Variants in AMD1 observed in about 807,000 individuals in gnomAD.
AMD1 encodes S-adenosylmethionine decarboxylase proenzyme.
A neutral mutation model predicts 40.2 loss-of-function variants in AMD1; 11 were observed. That is an observed-to-expected ratio of 0.27 (90% CI 0.17 to 0.45). AMD1 has a LOEUF of 0.45. Among genes scored for constraint, AMD1 ranks in the 20% least tolerant of loss-of-function variants. AMD1 has a pLI of 1.00. For synonymous variants in AMD1, 121 were observed against 130.8 expected, an observed-to-expected ratio of 0.93 and a Z score of 0.51; for missense variants, 257 against 410.2, an observed-to-expected ratio of 0.63 and a Z score of 3.23.
chr6:110,823,089 T>A, the AMD1 span, among the ~76,000 whole-genome samples: 14 of 152,242 alleles, frequency 9.2e-5, no homozygotes, highest in South Asian at 2.9e-3. Context: ...CACTCCAGCC[T>A]GGGCAACAAA....
the AMD1 span, among the ~76,000 whole-genome samples, chr6:110,822,429 C>G: frequency 6.6e-6 from 1 of 151,104 alleles, no homozygotes; most frequent in African/African-American, 2.4e-5. Context: ...GTGAGATTGC[C>G]AAGAAAAAAA....
At chr6:110,867,155 CTT>C in the AMD1 span, among the ~76,000 whole-genome samples, 1 of 143,824 alleles carries the variant, frequency 7.0e-6, no homozygotes. Flanking sequence ...TTCTTTTTTT[CTT>C]TTTTTTTTTA....
Position 110,894,002 on chromosome 6 carries a change from T to G in AMD1, c.*386T>G. On this transcript the variant is annotated 3_prime_UTR_variant, in exon 9 of 9. Coordinates refer to ENST00000368885, the MANE Select transcript of AMD1 (RefSeq NM_001634.6). ...AGACAAGGCTTTCGTCCTCATTAGG[T>G]GTTGGCCTCAGCCTAACCCTCTAGG... 5.0e-6 allele frequency: 1 copy of G among 198,066 alleles called. No homozygotes were observed. The allele number at this position is 198,066 out of a possible 1,614,324, so 12.3% of individuals were successfully genotyped here.
chr6:110,835,441 C>T, the AMD1 span, among the ~76,000 whole-genome samples: 1 of 152,114 alleles, frequency 6.6e-6, no homozygotes, highest in Non-Finnish European at 1.5e-5. Flanking sequence ...CTTTAAAATC[C>T]GTTGGTCTAT....
chr6:110,883,685 G>A (rs371334211), intron 1 of AMD1, among the ~76,000 whole-genome samples: 307 of 152,230 alleles, frequency 2.0e-3, no homozygotes, highest in African/African-American at 6.8e-3. Flanking sequence ...TCCGCCTTCC[G>A]GGTTCATGCC....
intron 3 of AMD1, 33 bp from the exon 4 acceptor site, chr6:110,890,221 C>A: frequency 7.0e-7 from 1 of 1,420,244 alleles, no homozygotes; most frequent in Non-Finnish European, 9.6e-7. Flanking sequence ...CTAAAGTCAT[C>A]TTTTTTTTTC....
chr6:110,852,327 T>A, the AMD1 span, among the ~76,000 whole-genome samples: 3 of 146,668 alleles, frequency 2.0e-5, no homozygotes, highest in Admixed American at 2.1e-4. Context: ...GTTCAAGCAA[T>A]TCTCCTGCCT....
the AMD1 span, among the ~76,000 whole-genome samples, chr6:110,827,765 CAAAAAAAA>C: frequency 1.1e-5 from 1 of 91,236 alleles, no homozygotes; most frequent in Non-Finnish European, 2.3e-5. Flanking sequence ...AACTCCATCT[CAAAAAAAA>C]AAAAAAAAAC....
intron 4 of AMD1, chr6:110,891,719 T>A: frequency 1.1e-5 from 2 of 178,342 alleles, no homozygotes; most frequent in South Asian, 1.2e-4. Flanking sequence ...GGAATTTACC[T>A]ACTGTTTCCA....
intron 1 of AMD1, among the ~76,000 whole-genome samples, chr6:110,886,662 A>G (rs1234646295): frequency 6.6e-6 from 1 of 152,172 alleles, no homozygotes; most frequent in East Asian, 1.9e-4. Flanking sequence ...GGTTCTAGCT[A>G]CCTGAGAGAC....
chr6:110,885,318 G>T (rs1785621875), intron 1 of AMD1, among the ~76,000 whole-genome samples: 1 of 152,160 alleles, frequency 6.6e-6, no homozygotes, highest in Admixed American at 6.5e-5. Flanking sequence ...TCACCATGTT[G>T]GCCAGGCTGG....
chr6:110,888,651 A>G (rs1785838471), intron 2 of AMD1: 1 of 411,020 alleles, frequency 2.4e-6, no homozygotes, highest in South Asian at 4.0e-5. Flanking sequence ...TGAATATACG[A>G]ATGTTTATCA....
the AMD1 span, among the ~76,000 whole-genome samples, chr6:110,824,879 A>C: frequency 0.047 from 7,192 of 152,240 alleles, 177 homozygotes; most frequent in Middle Eastern, 0.078. Flanking sequence ...TAGCTGCCCT[A>C]TGAGGAAGGT....
At chr6:110,881,694 G>A (rs1249526201) in intron 1 of AMD1, among the ~76,000 whole-genome samples, 1 of 152,072 alleles carries the variant, frequency 6.6e-6, no homozygotes, top group African/African-American at 2.4e-5. Context: ...GGTGGCAGAT[G>A]CCTGTAATCA....
the AMD1 span, among the ~76,000 whole-genome samples, chr6:110,822,456 G>A: frequency 6.6e-6 from 1 of 151,972 alleles, no homozygotes; most frequent in African/African-American, 2.4e-5. Flanking sequence ...AGGCCAGAAA[G>A]ATTCACAGCC....
the AMD1 span, among the ~76,000 whole-genome samples, chr6:110,840,123 A>T: frequency 2.7e-5 from 4 of 146,676 alleles, no homozygotes; most frequent in African/African-American, 1.0e-4. Context: ...GGTTCAAGTG[A>T]TCTCCTGCCT....
the AMD1 span, among the ~76,000 whole-genome samples, chr6:110,831,713 G>A: frequency 2.6e-5 from 4 of 152,082 alleles, no homozygotes; most frequent in Admixed American, 6.6e-5. Context: ...AGCATTTCTC[G>A]TCTTACAACA....
chr6:110,816,766 GT>G, the AMD1 span, among the ~76,000 whole-genome samples: 1 of 152,158 alleles, frequency 6.6e-6, no homozygotes, highest in African/African-American at 2.4e-5. Context: ...CCCCACTTTT[GT>G]TTTGAAGAGA....
At chr6:110,842,657 A>G in the AMD1 span, among the ~76,000 whole-genome samples, 1 of 152,178 alleles carries the variant, frequency 6.6e-6, no homozygotes, top group East Asian at 1.9e-4. Flanking sequence ...GTAGAATCTC[A>G]GACCCTTCAT....
Sources: gnomAD v4.1 joint callset for allele counts (sites outside exome capture counted in the v4.1 genomes callset) on GRCh38, gnomAD v4.1.1 for gene constraint, MANE v1.5 for transcripts, NCBI Gene and HGNC (gene_info 2026-07-23, HGNC 2026-07-21) for gene names.